TTC28: variants seen among roughly 807,000 people sequenced by gnomAD.
TTC28 encodes the protein tetratricopeptide repeat protein 28.
A neutral mutation model predicts 198.0 loss-of-function variants in TTC28; 61 were observed. That is an observed-to-expected ratio of 0.31 (90% CI 0.25 to 0.38). TTC28 has a LOEUF of 0.38. Among genes scored for constraint, TTC28 ranks in the 10% least tolerant of loss-of-function variants. TTC28 has a pLI of 1.00. For synonymous variants in TTC28, 1,171 were observed against 1,297.8 expected, an observed-to-expected ratio of 0.90 and a Z score of 2.10; for missense variants, 2,678 against 3,164.0, an observed-to-expected ratio of 0.85 and a Z score of 3.69.
At chr22:28,030,115 G>A in intron 13 of TTC28, 111 bp downstream of exon 13, 3 of 1,430,468 alleles carry the variant, frequency 2.1e-6, no homozygotes, top group Non-Finnish European at 1.9e-6. Context: ...GCAAATGCAT[G>A]ACACGAGCCA....
chr22:28,108,411 A>G lies in TTC28; in HGVS notation c.1442-8T>C, dbSNP rs753223632. On this transcript the variant is annotated splice_polypyrimidine_tract_variant and splice_region_variant and intron_variant, in intron 6 of 22. Coordinates refer to ENST00000397906, the MANE Select transcript of TTC28 (RefSeq NM_001145418.2). Reference sequence around the variant, plus strand: ...TCATCTGGTGTATGATTCCTGAGAAAGAGAATAAAAGAACAGACTAAGACT... The same window carrying G: ...TCATCTGGTGTATGATTCCTGAGAAGGAGAATAAAAGAACAGACTAAGACT... The G allele has an allele frequency of 2.8e-6, 4 of 1,434,698 alleles. No homozygotes were observed. In the East Asian group the frequency reaches 1.0e-4, roughly 37 times the overall value. The allele number at this position is 1,434,698 out of a possible 1,614,324, so 88.9% of individuals were successfully genotyped here. A position where few individuals can be genotyped will look rare whatever the true frequency, so the allele number is the denominator to read the frequency against.
chr22:28,166,462 A>C (rs1921969570), intron 5 of TTC28, among the ~76,000 whole-genome samples: 1 of 152,236 alleles, frequency 6.6e-6, no homozygotes, highest in African/African-American at 2.4e-5. Flanking sequence ...AACACAAATT[A>C]TAACAAACTC....
intron 12 of TTC28, among the ~76,000 whole-genome samples, chr22:28,080,768 T>C (rs1941319557): frequency 6.6e-6 from 1 of 152,210 alleles, no homozygotes; most frequent in Admixed American, 6.5e-5. Context: ...CCAAATCCAA[T>C]GTCAAGTAGC....
chr22:27,994,134 C>T (rs544503166), intron 17 of TTC28, among the ~76,000 whole-genome samples: 1 of 152,330 alleles, frequency 6.6e-6, no homozygotes, highest in East Asian at 1.9e-4. Context: ...AACAGTAGTA[C>T]AGGGCCTCAA....
chr22:28,133,470 G>A (rs1325518522), intron 6 of TTC28, among the ~76,000 whole-genome samples: 1 of 152,174 alleles, frequency 6.6e-6, no homozygotes, highest in Non-Finnish European at 1.5e-5. Flanking sequence ...GCCAAGGGAA[G>A]CTGAGACAGA....
At chr22:28,551,178 G>A (rs756912512) in intron 2 of TTC28, among the ~76,000 whole-genome samples, 14 of 151,930 alleles carry the variant, frequency 9.2e-5, no homozygotes, top group South Asian at 4.2e-4. Context: ...AGATTAAACC[G>A]GGAAGATATA....
chr22:28,630,835 G>A (rs967238623), intron 1 of TTC28, among the ~76,000 whole-genome samples: 1 of 152,142 alleles, frequency 6.6e-6, no homozygotes, highest in East Asian at 1.9e-4. Flanking sequence ...TTTGTTGAAT[G>A]AATAAATGCA....
At chr22:28,509,336 GTC>G (rs929100651) in intron 2 of TTC28, among the ~76,000 whole-genome samples, 2 of 152,088 alleles carry the variant, frequency 1.3e-5, no homozygotes, top group African/African-American at 4.8e-5. Flanking sequence ...AATCATAACA[GTC>G]TCTCAGACCA....
At chr22:28,158,447 G>A (rs1372411457) in intron 6 of TTC28, among the ~76,000 whole-genome samples, 1 of 152,050 alleles carries the variant, frequency 6.6e-6, no homozygotes. Flanking sequence ...ACCCAGAATA[G>A]CCAAAGCTAT....
chr22:28,679,768 C>T lies in TTC28; in HGVS notation c.-45G>A. ...CGTCCGCCTCGAGCTAACGGTCCCG[C>T]CAGCTAGGCGCGCGCGCCGGTTCCG... On this transcript the variant is annotated 5_prime_UTR_variant, in exon 1 of 23. Coordinates refer to ENST00000397906, the MANE Select transcript of TTC28 (RefSeq NM_001145418.2). 8 of 1,055,078 alleles carry T rather than the reference C, an allele frequency of 7.6e-6. No individual in the cohort carries two copies. Among genetic ancestry groups the T allele is most frequent in the Non-Finnish European group, 9.5e-6 (8 of 841,124 alleles). 65.4% of individuals were successfully genotyped at this position (1,055,078 alleles called of 1,614,324 possible).
At chr22:28,452,817 G>T (rs950576745) in intron 2 of TTC28, among the ~76,000 whole-genome samples, 4 of 152,182 alleles carry the variant, frequency 2.6e-5, no homozygotes, top group Non-Finnish European at 5.9e-5. Flanking sequence ...CAACCAAAAA[G>T]TTCAGATAAT....
chr22:28,672,744 A>G (rs2051909802), intron 1 of TTC28, among the ~76,000 whole-genome samples: 1 of 152,240 alleles, frequency 6.6e-6, no homozygotes, highest in African/African-American at 2.4e-5. Context: ...TGAAGAGGTA[A>G]TAATAGTAAC....
At chr22:28,586,039 G>A (rs2146074113) in intron 2 of TTC28, among the ~76,000 whole-genome samples, 1 of 151,964 alleles carries the variant, frequency 6.6e-6, no homozygotes, top group African/African-American at 2.4e-5. Context: ...CCAGCACTTT[G>A]GGAGGCTGAG....
chr22:28,197,881 A>G (rs867944341), intron 5 of TTC28, among the ~76,000 whole-genome samples: 8 of 152,112 alleles, frequency 5.3e-5, no homozygotes, highest in South Asian at 2.1e-4. Context: ...GAATATTTAA[A>G]AAACCCATCA....
chr22:28,532,183 G>A (rs938280276), intron 2 of TTC28, among the ~76,000 whole-genome samples: 3 of 152,064 alleles, frequency 2.0e-5, no homozygotes, highest in Non-Finnish European at 2.9e-5. Flanking sequence ...GAAGAAAAGA[G>A]AGAAGAATCA....
chr22:27,982,078 G>A lies in TTC28; in HGVS notation c.*143C>T. ...CCACCAGTGTGTGTGGCAGCCTTTGGACGTGGTGGTGCCCCTCGCCTGCAG... is the reference window on the plus strand; with the variant it reads ...CCACCAGTGTGTGTGGCAGCCTTTGAACGTGGTGGTGCCCCTCGCCTGCAG... On this transcript the variant is annotated 3_prime_UTR_variant, in exon 23 of 23. Coordinates refer to ENST00000397906, the MANE Select transcript of TTC28 (RefSeq NM_001145418.2). This position sits in a 1 kb window ranked among gnomAD's most constrained non-coding sequence, Gnocchi z 5.2. The A allele has an allele frequency of 1.2e-6, 1 of 836,872 alleles. No individual in the cohort carries two copies. Among genetic ancestry groups the A allele is most frequent in the Non-Finnish European group, 1.8e-6 (1 of 569,570 alleles). 51.8% of individuals were successfully genotyped at this position (836,872 alleles called of 1,614,324 possible).
intron 2 of TTC28, among the ~76,000 whole-genome samples, chr22:28,451,317 T>C (rs1756596755): frequency 6.6e-6 from 1 of 152,190 alleles, no homozygotes; most frequent in Non-Finnish European, 1.5e-5. Flanking sequence ...GACTAAAGTG[T>C]ACTCTTAACT....
chr22:28,461,062 G>A (rs770533649), intron 2 of TTC28, among the ~76,000 whole-genome samples: 4 of 152,112 alleles, frequency 2.6e-5, no homozygotes, highest in African/African-American at 4.8e-5. Flanking sequence ...GTTTATCTAC[G>A]GTCTGCCTCT....
intron 5 of TTC28, among the ~76,000 whole-genome samples, chr22:28,220,088 G>T (rs1327445920): frequency 6.6e-6 from 1 of 152,142 alleles, no homozygotes; most frequent in African/African-American, 2.4e-5. Context: ...GACAATTAAG[G>T]TGATGAACCA....
Sources: gnomAD v4.1 joint callset for allele counts (sites outside exome capture counted in the v4.1 genomes callset) on GRCh38, gnomAD v4.1.1 for gene constraint, Gnocchi (gnomAD v3.1) non-coding constraint, MANE v1.5 for transcripts, NCBI Gene and HGNC (gene_info 2026-07-23, HGNC 2026-07-21) for gene names.